STPG2: variants seen among roughly 807,000 people sequenced by gnomAD.
STPG2 encodes the protein sperm tail PG-rich repeat containing 2, also known as sperm-tail PG-rich repeat-containing protein 2.
In STPG2, 56 loss-of-function variants were observed where a neutral mutation model predicts 54.2. The observed-to-expected ratio is 1.03, with a 90% CI of 0.83 to 1.29. STPG2 has a LOEUF of 1.29. Among genes scored for constraint, STPG2 ranks in the 50% most tolerant of loss-of-function variants. The probability of loss-of-function intolerance (pLI) is 0.00; values close to 1 mark genes in which losing one functional copy is unlikely to be tolerated. For missense variants in STPG2, 596 were observed against 544.9 expected, an observed-to-expected ratio of 1.09 and a Z score of -0.93; for synonymous variants, 200 against 181.8, an observed-to-expected ratio of 1.10 and a Z score of -0.81.
chr4:97,633,562 T>A (rs1721377229), intron 10 of STPG2: 1 of 152,474 alleles, frequency 6.6e-6, no homozygotes, highest in Non-Finnish European at 1.5e-5. Flanking sequence ...GGGTGATTTC[T>A]GCATTTCCAT....
chr4:97,721,517 T>C (rs1724447942), intron 9 of STPG2, among the ~76,000 whole-genome samples: 1 of 152,056 alleles, frequency 6.6e-6, no homozygotes, highest in Non-Finnish European at 1.5e-5. Flanking sequence ...CTAATGTCCA[T>C]TGTTAGTTGA....
intron 9 of STPG2, among the ~76,000 whole-genome samples, chr4:97,822,520 CTG>C (rs1201758169): frequency 2.6e-5 from 4 of 152,116 alleles, no homozygotes; most frequent in Admixed American, 1.3e-4. Flanking sequence ...TATCAGTTTT[CTG>C]TGTTAGGCTA....
chr4:97,468,748 T>G (rs919382643), intron 4 of STPG2, among the ~76,000 whole-genome samples: 5 of 152,104 alleles, frequency 3.3e-5, no homozygotes, highest in African/African-American at 7.2e-5. Context: ...TGAATACTAT[T>G]TCCTTCTCCT....
At chr4:97,632,536 TGAG>T (rs1553944548) in intron 10 of STPG2, among the ~76,000 whole-genome samples, 1 of 152,176 alleles carries the variant, frequency 6.6e-6, no homozygotes, top group Non-Finnish European at 1.5e-5. Flanking sequence ...TTTATAATCC[TGAG>T]TTCTTGCTCT....
At chr4:97,847,910 C>A (rs1053641476) in intron 8 of STPG2, among the ~76,000 whole-genome samples, 3 of 152,158 alleles carry the variant, frequency 2.0e-5, no homozygotes, top group African/African-American at 7.2e-5. Context: ...CTTTTCTGTC[C>A]TTTACTACCA....
chr4:97,522,498 T>A (rs1731203704), intron 4 of STPG2, among the ~76,000 whole-genome samples: 1 of 152,000 alleles, frequency 6.6e-6, no homozygotes, highest in Non-Finnish European at 1.5e-5. Flanking sequence ...ACTTAATTAT[T>A]TTTTTCACTA....
intron 8 of STPG2, among the ~76,000 whole-genome samples, chr4:97,894,581 C>T (rs1229499374): frequency 6.6e-6 from 1 of 151,810 alleles, no homozygotes; most frequent in Non-Finnish European, 1.5e-5. Context: ...CTCAGGATTC[C>T]CAATTAACTG....
At chr4:98,082,354 T>G (rs1738371565) in intron 5 of STPG2, among the ~76,000 whole-genome samples, 1 of 121,430 alleles carries the variant, frequency 8.2e-6, no homozygotes, top group Non-Finnish European at 1.8e-5. Flanking sequence ...GACCCAGAGC[T>G]GCAGCATTTC....
chr4:97,541,934 C>A (rs1009627828), intron 4 of STPG2, among the ~76,000 whole-genome samples: 15 of 152,194 alleles, frequency 9.9e-5, no homozygotes, highest in Admixed American at 9.8e-4. Flanking sequence ...AAAGCTGAAA[C>A]TGGATCCCTT....
chr4:98,000,084 C>T (rs979946), intron 5 of STPG2, among the ~76,000 whole-genome samples: 1 of 151,840 alleles, frequency 6.6e-6, no homozygotes, highest in Non-Finnish European at 1.5e-5. Flanking sequence ...GATCATTCTA[C>T]TCTTTAGACT....
At chr4:97,536,114 TA>T (rs1731523268) in intron 4 of STPG2, among the ~76,000 whole-genome samples, 1 of 152,192 alleles carries the variant, frequency 6.6e-6, no homozygotes, top group Admixed American at 6.5e-5. Context: ...CAACTGAGAT[TA>T]TAGGTGCATG....
intron 5 of STPG2, chr4:98,025,364 C>G (rs1736380691): frequency 3.1e-6 from 1 of 317,940 alleles, no homozygotes. Flanking sequence ...CCTAGTGCTG[C>G]TGGGCCTGCA....
chr4:97,710,333 T>C (rs768856353), intron 10 of STPG2, among the ~76,000 whole-genome samples: 3 of 151,960 alleles, frequency 2.0e-5, no homozygotes, highest in Non-Finnish European at 4.4e-5. Flanking sequence ...TAAATCTACC[T>C]GGGGAACTCC....
intron 4 of STPG2, among the ~76,000 whole-genome samples, chr4:97,472,869 A>G (rs978343810): frequency 6.6e-6 from 1 of 152,220 alleles, no homozygotes; most frequent in African/African-American, 2.4e-5. Context: ...GGCTGAAGCC[A>G]TGTTAGAAGA....
chr4:98,048,113 AGTG>A (rs1420289403), intron 5 of STPG2, among the ~76,000 whole-genome samples: 2 of 152,170 alleles, frequency 1.3e-5, no homozygotes, highest in Admixed American at 6.5e-5. Context: ...GTGTAATTCT[AGTG>A]CACATAAATA....
chr4:97,547,502 G>A (rs750757050), intron 4 of STPG2, among the ~76,000 whole-genome samples: 1 of 152,108 alleles, frequency 6.6e-6, no homozygotes, highest in South Asian at 2.1e-4. Context: ...GAGCCACCGC[G>A]CCCGGCCTTT....
intron 8 of STPG2, among the ~76,000 whole-genome samples, chr4:97,862,767 A>G (rs1267212181): frequency 2.6e-5 from 4 of 152,216 alleles, no homozygotes; most frequent in African/African-American, 9.6e-5. Context: ...CAGTGCAATC[A>G]AATTAGAACT....
intron 10 of STPG2, among the ~76,000 whole-genome samples, chr4:97,595,898 A>C (rs1333398719): frequency 1.3e-5 from 2 of 152,192 alleles, no homozygotes; most frequent in Non-Finnish European, 2.9e-5. Context: ...ATGATCACCG[A>C]ATCAAATTCA....
intron 9 of STPG2, among the ~76,000 whole-genome samples, chr4:97,787,779 C>A (rs892294990): frequency 1.3e-5 from 2 of 151,740 alleles, no homozygotes; most frequent in African/African-American, 4.8e-5. Flanking sequence ...AAATACAGAA[C>A]TGAACTACTC....
Sources: allele counts gnomAD v4.1 joint callset (sites outside exome capture counted in the v4.1 genomes callset), GRCh38; gene constraint gnomAD v4.1.1; transcripts MANE v1.5; gene names NCBI Gene and HGNC (gene_info 2026-07-23, HGNC 2026-07-21).